The following LIMS1 variants were observed in gnomAD, a reference collection of about 807,000 sequenced individuals.
The protein encoded by LIMS1 is LIM zinc finger domain containing 1.
LIMS1 carries 18 observed loss-of-function variants against 44.1 expected under a neutral mutation model. The ratio of observed to expected loss-of-function variants is 0.41; its 90% CI spans 0.28 to 0.61. The LOEUF is 0.61. Among genes scored for constraint, LIMS1 ranks in the 20% least tolerant of loss-of-function variants. The pLI, the probability that LIMS1 is intolerant of heterozygous loss-of-function variation, is 0.32. For synonymous variants in LIMS1, 93 were observed against 149.1 expected (o/e 0.62, Z 2.74); for missense variants, 201 against 422.0 (o/e 0.48, Z 4.59).
At chr2:108,658,988 T>TAAA (rs1691132425) in intron 1 of LIMS1, among the ~76,000 whole-genome samples, 1 of 152,282 alleles carries the variant, frequency 6.6e-6, no homozygotes, top group East Asian at 1.9e-4. Context: ...AAATGATCTT[T>TAAA]ATTATGTAAA....
intron 1 of LIMS1, among the ~76,000 whole-genome samples, chr2:108,651,369 C>T (rs919521588): frequency 3.3e-5 from 5 of 152,238 alleles, no homozygotes; most frequent in African/African-American, 1.2e-4. Flanking sequence ...ATCTTTTCTT[C>T]GTTCAGAACG....
At chr2:108,606,690 C>G (rs1379549009) in intron 1 of LIMS1, among the ~76,000 whole-genome samples, 1 of 152,200 alleles carries the variant, frequency 6.6e-6, no homozygotes, top group Non-Finnish European at 1.5e-5. Flanking sequence ...ATAGATTTGT[C>G]TAAAGTTCAG....
chr2:108,575,466 G>C (rs1337074574), intron 1 of LIMS1, among the ~76,000 whole-genome samples: 1 of 152,178 alleles, frequency 6.6e-6, no homozygotes, highest in South Asian at 2.1e-4. Context: ...TGTTTAAAGC[G>C]TGTTAGCCAT....
At chr2:108,553,030 G>A (rs1334428974) in intron 1 of LIMS1, among the ~76,000 whole-genome samples, 6 of 152,230 alleles carry the variant, frequency 3.9e-5, no homozygotes, top group Non-Finnish European at 8.8e-5. Context: ...TGGCTCTGAA[G>A]AAGGTACCAG....
intron 1 of LIMS1, among the ~76,000 whole-genome samples, chr2:108,576,539 T>A (rs1685676603): frequency 6.6e-6 from 1 of 152,154 alleles, no homozygotes; most frequent in Non-Finnish European, 1.5e-5. Flanking sequence ...TAGCTGGGAT[T>A]ACAAGCACGT....
intron 1 of LIMS1, among the ~76,000 whole-genome samples, chr2:108,605,009 A>G (rs1687199044): frequency 6.6e-6 from 1 of 152,222 alleles, no homozygotes; most frequent in South Asian, 2.1e-4. Flanking sequence ...GAAGGGCCAG[A>G]TGACTGCCTT....
chr2:108,604,585 CAT>C (rs1021323043), intron 1 of LIMS1, among the ~76,000 whole-genome samples: 1 of 152,208 alleles, frequency 6.6e-6, no homozygotes, highest in African/African-American at 2.4e-5. Flanking sequence ...TGGATATTAA[CAT>C]ATTTTAATTA....
At chr2:108,612,598 G>T (rs920419027) in intron 1 of LIMS1, among the ~76,000 whole-genome samples, 2 of 152,008 alleles carry the variant, frequency 1.3e-5, no homozygotes, top group Non-Finnish European at 2.9e-5. Context: ...TACATAGAAG[G>T]TCACTTCTTT....
At chr2:108,570,893 G>A (rs1419284553) in intron 1 of LIMS1, among the ~76,000 whole-genome samples, 1 of 152,208 alleles carries the variant, frequency 6.6e-6, no homozygotes, top group Non-Finnish European at 1.5e-5. Flanking sequence ...GCTAATCCCA[G>A]CCTCTGGGAG....
At chr2:108,646,769 G>A (rs971663403) in intron 1 of LIMS1, among the ~76,000 whole-genome samples, 4 of 152,054 alleles carry the variant, frequency 2.6e-5, no homozygotes, top group Admixed American at 6.5e-5. Context: ...GCAGTGGTGC[G>A]ATCTCGGCTC....
intron 9 of LIMS1, among the ~76,000 whole-genome samples, chr2:108,682,448 C>T (rs1447762471): frequency 2.6e-5 from 4 of 151,928 alleles, no homozygotes; most frequent in Non-Finnish European, 5.9e-5. Context: ...TGCAGTGAGC[C>T]GAGATCGTGC....
At chr2:108,535,976 A>G (rs566452455) in intron 1 of LIMS1, among the ~76,000 whole-genome samples, 98 of 151,360 alleles carry the variant, frequency 6.5e-4, no homozygotes, top group African/African-American at 2.3e-3. Flanking sequence ...TCAAGATTTG[A>G]TAACAATAAT....
intron 1 of LIMS1, among the ~76,000 whole-genome samples, chr2:108,613,580 A>C (rs887414181): frequency 3.9e-5 from 6 of 151,972 alleles, no homozygotes; most frequent in African/African-American, 1.5e-4. Flanking sequence ...TGTCTGTTCC[A>C]TGGACTGCCA....
At position 108,551,802 on chromosome 2, in the gene LIMS1, A is replaced by T. The variant is rs1004574411; in HGVS notation, c.32+17208A>T. 6.2e-5 allele frequency among the ~76,000 whole-genome samples: 9 copies of T among 146,242 alleles called. 1 individual carries two copies. The highest frequency in any genetic ancestry group is 4.8e-4 in the Admixed American group (7 of 14,446). ...ATACAATATACAGATATATCTGTAT[A>T]TATGTATATGATATACAATATACAT... is the stretch of plus-strand genomic sequence containing the variant. On this transcript the variant is annotated intron_variant, in intron 1 of 9. Coordinates refer to ENST00000544547, the Ensembl canonical transcript of LIMS1.
exon 10 of LIMS1, chr2:108,683,999 A>G: frequency 1.4e-6 from 2 of 1,476,618 alleles, no homozygotes; most frequent in Non-Finnish European, 1.9e-6. Context: ...GAAGGAAATA[A>G]GTTCCTTTAT....
intron 1 of LIMS1, among the ~76,000 whole-genome samples, chr2:108,609,365 T>A (rs973680074): frequency 6.6e-6 from 1 of 152,070 alleles, no homozygotes. Context: ...ATTGCACCCC[T>A]CCCCACCCGG....
At chr2:108,573,732 G>A (rs567002014) in intron 1 of LIMS1, among the ~76,000 whole-genome samples, 4 of 152,286 alleles carry the variant, frequency 2.6e-5, no homozygotes, top group Admixed American at 6.5e-5. Context: ...AGCGTATAGT[G>A]TATCAGATGG....
chr2:108,587,648 C>G (rs531681915), intron 1 of LIMS1, among the ~76,000 whole-genome samples: 16 of 152,152 alleles, frequency 1.1e-4, no homozygotes, highest in Non-Finnish European at 2.4e-4. Flanking sequence ...GGCAAGGACA[C>G]CCTCATTCAT....
At chr2:108,556,731 T>C (rs1315552666) in intron 1 of LIMS1, among the ~76,000 whole-genome samples, 1 of 152,210 alleles carries the variant, frequency 6.6e-6, no homozygotes, top group Non-Finnish European at 1.5e-5. Context: ...GAATGCAGAA[T>C]GTTAGCAAGC....
Sources: gnomAD v4.1 joint callset for allele counts (sites outside exome capture counted in the v4.1 genomes callset) on GRCh38, gnomAD v4.1.1 for gene constraint, MANE v1.5 for transcripts, NCBI Gene and HGNC (gene_info 2026-07-23, HGNC 2026-07-21) for gene names.